OR1J2: variants seen among roughly 807,000 people sequenced by gnomAD.
OR1J2 encodes the protein olfactory receptor family 1 subfamily J member 2.
For synonymous variants in OR1J2, 142 were observed against 99.7 expected, an observed-to-expected ratio of 1.42 and a Z score of -2.52; for missense variants, 304 against 246.1, an observed-to-expected ratio of 1.24 and a Z score of -1.57.
chr9:122,580,407 A>G, the OR1J2 span, among the ~76,000 whole-genome samples: 1 of 152,222 alleles, frequency 6.6e-6, no homozygotes, highest in Non-Finnish European at 1.5e-5. Context: ...ATCATTTACA[A>G]ATAAAACCAT....
chr9:122,553,901 C>T, the OR1J2 span: 3 of 1,613,960 alleles, frequency 1.9e-6, no homozygotes, highest in East Asian at 6.7e-5. Flanking sequence ...CTGTGTTTGT[C>T]ATCTCATCTC....
At chr9:122,448,690 G>A in the OR1J2 span, among the ~76,000 whole-genome samples, 6 of 152,202 alleles carry the variant, frequency 3.9e-5, no homozygotes, top group Non-Finnish European at 8.8e-5. Context: ...CTTTTACCCA[G>A]CATACTGCCT....
At chr9:122,470,001 A>G in the OR1J2 span, among the ~76,000 whole-genome samples, 1 of 152,200 alleles carries the variant, frequency 6.6e-6, no homozygotes, top group African/African-American at 2.4e-5. Flanking sequence ...AAAAGTTTGG[A>G]AAAATTTGCA....
At chr9:122,556,232 T>C in the OR1J2 span, among the ~76,000 whole-genome samples, 2 of 152,202 alleles carry the variant, frequency 1.3e-5, no homozygotes, top group African/African-American at 4.8e-5. Context: ...CTGAGTAATA[T>C]TTCATTGTAT....
At chr9:122,580,144 T>G in the OR1J2 span, among the ~76,000 whole-genome samples, 1 of 152,006 alleles carries the variant, frequency 6.6e-6, no homozygotes, top group African/African-American at 2.4e-5. Flanking sequence ...ATGTACCTAG[T>G]AACTGGACAA....
the OR1J2 span, among the ~76,000 whole-genome samples, chr9:122,550,931 A>G: frequency 3.0e-4 from 45 of 152,270 alleles, no homozygotes; most frequent in South Asian, 7.0e-3. Flanking sequence ...AGGGAAAAAA[A>G]AAAAAGACAT....
At chr9:122,563,596 C>T in the OR1J2 span, among the ~76,000 whole-genome samples, 4 of 152,318 alleles carry the variant, frequency 2.6e-5, no homozygotes, top group Admixed American at 6.5e-5. Context: ...TCCTCTGCTG[C>T]GCAGATGCAA....
the OR1J2 span, chr9:122,527,038 G>A: frequency 1.1e-4 from 181 of 1,614,144 alleles, no homozygotes; most frequent in Admixed American, 3.2e-4. Context: ...GTGTGATGCC[G>A]AGTCTGTATA....
chr9:122,495,760 C>T, the OR1J2 span, among the ~76,000 whole-genome samples: 1 of 151,896 alleles, frequency 6.6e-6, no homozygotes, highest in African/African-American at 2.4e-5. Context: ...GTTAAAGAAC[C>T]TTGTTTTGTT....
At chr9:122,535,527 G>A in the OR1J2 span, among the ~76,000 whole-genome samples, 23 of 152,248 alleles carry the variant, frequency 1.5e-4, no homozygotes, top group African/African-American at 3.9e-4. Context: ...GAAGTGTGGC[G>A]CCAAGATTGA....
the OR1J2 span, chr9:122,576,960 C>A: frequency 6.6e-6 from 1 of 152,226 alleles, no homozygotes; most frequent in African/African-American, 2.4e-5. Flanking sequence ...GAAGGAGTAA[C>A]AACCTCCAAG....
the OR1J2 span, among the ~76,000 whole-genome samples, chr9:122,468,783 T>C: frequency 6.6e-6 from 1 of 152,192 alleles, no homozygotes; most frequent in Non-Finnish European, 1.5e-5. Flanking sequence ...TACACACTCA[T>C]CACACTTGGC....
the OR1J2 span, among the ~76,000 whole-genome samples, chr9:122,549,863 T>A: frequency 6.6e-6 from 1 of 152,182 alleles, no homozygotes; most frequent in African/African-American, 2.4e-5. Flanking sequence ...TGGTTCCATA[T>A]GAATTTTAGG....
At chr9:122,474,906 A>C in the OR1J2 span, among the ~76,000 whole-genome samples, 1 of 152,196 alleles carries the variant, frequency 6.6e-6, no homozygotes, top group African/African-American at 2.4e-5. Flanking sequence ...CTCCGTGTCT[A>C]AGCAGCTGAC....
At chr9:122,566,148 G>A in the OR1J2 span, among the ~76,000 whole-genome samples, 7 of 152,340 alleles carry the variant, frequency 4.6e-5, no homozygotes, top group African/African-American at 1.7e-4. Context: ...CTAGAATGCT[G>A]CATCCTATCA....
At chr9:122,481,190 G>A in the OR1J2 span, among the ~76,000 whole-genome samples, 23 of 152,216 alleles carry the variant, frequency 1.5e-4, no homozygotes, top group Non-Finnish European at 2.5e-4. Context: ...AGAACATGCA[G>A]TATTTGGTTT....
At chr9:122,490,767 A>T in the OR1J2 span, among the ~76,000 whole-genome samples, 1 of 152,234 alleles carries the variant, frequency 6.6e-6, no homozygotes, top group East Asian at 1.9e-4. Flanking sequence ...GGAATAAATC[A>T]TGCAGGACCT....
At chr9:122,554,999 T>C in the OR1J2 span, among the ~76,000 whole-genome samples, 1 of 152,076 alleles carries the variant, frequency 6.6e-6, no homozygotes, top group African/African-American at 2.4e-5. Flanking sequence ...ACTGATATTA[T>C]GAGAAGTCAC....
the OR1J2 span, among the ~76,000 whole-genome samples, chr9:122,459,087 A>G: frequency 1.3e-5 from 2 of 152,102 alleles, no homozygotes; most frequent in Admixed American, 1.3e-4. Flanking sequence ...GGATTATTTC[A>G]CTTAACACAA....
Sources: allele counts gnomAD v4.1 joint callset (sites outside exome capture counted in the v4.1 genomes callset), GRCh38; gene constraint gnomAD v4.1.1; transcripts MANE v1.5; gene names NCBI Gene and HGNC (gene_info 2026-07-23, HGNC 2026-07-21).